The following LSAMP variants were observed in gnomAD, a reference collection of about 807,000 sequenced individuals.
LSAMP encodes the protein limbic system associated membrane protein.
Under a neutral mutation model 38.6 loss-of-function variants are expected in LSAMP, and 7 were observed. The observed-to-expected ratio is 0.18, with a 90% CI of 0.10 to 0.34. LSAMP has a LOEUF of 0.34. Among genes scored for constraint, LSAMP ranks in the 10% least tolerant of loss-of-function variants. The pLI, the probability that LSAMP is intolerant of heterozygous loss-of-function variation, is 1.00. For synonymous variants in LSAMP, 154 were observed against 166.8 expected, an observed-to-expected ratio of 0.92 and a Z score of 0.59; for missense variants, 313 against 420.0, an observed-to-expected ratio of 0.75 and a Z score of 2.23.
At chr3:116,317,074 A>C (rs2047638985) in intron 1 of LSAMP, among the ~76,000 whole-genome samples, 1 of 152,136 alleles carries the variant, frequency 6.6e-6, no homozygotes, top group Admixed American at 6.5e-5. Context: ...AAAATGGACC[A>C]ATCAGCAGGA....
At chr3:116,250,220 T>A (rs2046661733) in intron 1 of LSAMP, among the ~76,000 whole-genome samples, 1 of 152,214 alleles carries the variant, frequency 6.6e-6, no homozygotes, top group Admixed American at 6.5e-5. Context: ...ATACATATAA[T>A]CATTGTATTG....
chr3:116,249,045 T>A (rs1406561220), intron 1 of LSAMP, among the ~76,000 whole-genome samples: 6 of 150,294 alleles, frequency 4.0e-5, no homozygotes, highest in African/African-American at 1.5e-4. Flanking sequence ...GCTACTCGGG[T>A]GGCTGAGACA....
chr3:115,859,019 G>T (rs763432791), intron 3 of LSAMP, among the ~76,000 whole-genome samples: 5 of 152,196 alleles, frequency 3.3e-5, no homozygotes, highest in Admixed American at 6.5e-5. Context: ...GCTAAGGAAA[G>T]GAAGAGAGAA....
chr3:116,159,307 A>G (rs57425502), intron 1 of LSAMP, among the ~76,000 whole-genome samples: 37,378 of 152,138 alleles, frequency 0.25, 4,646 homozygotes, highest in Admixed American at 0.28. Context: ...CTATCAACAG[A>G]GTAAACAGAC....
At chr3:115,995,441 T>G (rs144282339) in intron 3 of LSAMP, among the ~76,000 whole-genome samples, 76 of 152,210 alleles carry the variant, frequency 5.0e-4, no homozygotes, top group African/African-American at 1.7e-3. Context: ...CAGGGAATAT[T>G]TGTTGATGAT....
chr3:116,044,190 T>C (rs1941241188), intron 2 of LSAMP, among the ~76,000 whole-genome samples: 1 of 152,216 alleles, frequency 6.6e-6, no homozygotes, highest in African/African-American at 2.4e-5. Flanking sequence ...AGAGAAAGGC[T>C]GCTTTGCTTT....
intron 3 of LSAMP, among the ~76,000 whole-genome samples, chr3:115,965,871 G>T (rs948975342): frequency 1.3e-5 from 2 of 152,104 alleles, no homozygotes; most frequent in Non-Finnish European, 2.9e-5. Flanking sequence ...AGTGTGGAAA[G>T]TATGTAGAGA....
At chr3:115,933,502 T>C (rs1937614698) in intron 3 of LSAMP, among the ~76,000 whole-genome samples, 1 of 152,166 alleles carries the variant, frequency 6.6e-6, no homozygotes, top group Non-Finnish European at 1.5e-5. Flanking sequence ...AAACTAGTTG[T>C]CACAAAATTA....
At chr3:115,961,920 C>T (rs1344534154) in intron 3 of LSAMP, among the ~76,000 whole-genome samples, 1 of 152,148 alleles carries the variant, frequency 6.6e-6, no homozygotes, top group Non-Finnish European at 1.5e-5. Context: ...AGAAAATATG[C>T]TTTGTGACAG....
At chr3:116,336,494 A>G (rs557329178) in intron 1 of LSAMP, among the ~76,000 whole-genome samples, 2 of 152,174 alleles carry the variant, frequency 1.3e-5, no homozygotes, top group Non-Finnish European at 2.9e-5. Flanking sequence ...TAAGCACGTG[A>G]AAAGATGCTC....
At chr3:116,072,859 T>C (rs1707645729) in intron 2 of LSAMP, among the ~76,000 whole-genome samples, 1 of 151,852 alleles carries the variant, frequency 6.6e-6, no homozygotes, top group African/African-American at 2.4e-5. Flanking sequence ...GTAGATTGTC[T>C]GTTTACTCTG....
At chr3:116,276,517 C>A (rs529687376) in intron 1 of LSAMP, among the ~76,000 whole-genome samples, 32 of 145,714 alleles carry the variant, frequency 2.2e-4, no homozygotes, top group African/African-American at 7.9e-4. Context: ...ACTTTGGGGA[C>A]TTGCAGGGAA....
chr3:116,204,683 C>G (rs375479491), intron 1 of LSAMP, among the ~76,000 whole-genome samples: 14 of 151,904 alleles, frequency 9.2e-5, no homozygotes, highest in East Asian at 1.9e-4. Flanking sequence ...GCTTGTTTTT[C>G]TCAGGTTTGT....
Position 116,116,532 on chromosome 3 carries a change from TAA to T in LSAMP, c.156-29978_156-29977del, listed in dbSNP as rs386397689. Among the ~76,000 whole-genome samples the T allele has an allele frequency of 7.5e-3, 834 of 110,752 alleles. 7 individuals are homozygous for T. The highest frequency in any genetic ancestry group is 0.025 in the African/African-American group (761 of 30,718). 72.7% of individuals were successfully genotyped at this position (110,752 alleles called of 152,430 possible). ...TAACACGGTGAAACCCCATCTCTAC[TAA>T]AAAAAAAAAAAAAAAAATACAAAAT... On this transcript the variant is annotated intron_variant, in intron 1 of 6. Coordinates refer to ENST00000490035, the MANE Select transcript of LSAMP (RefSeq NM_002338.5).
intron 1 of LSAMP, among the ~76,000 whole-genome samples, chr3:116,431,148 T>C (rs1321949753): frequency 2.6e-5 from 4 of 151,994 alleles, no homozygotes; most frequent in Admixed American, 6.6e-5. Context: ...GATCCTGGCC[T>C]GAGAGAGAAT....
chr3:116,433,873 T>C (rs1034568832), intron 1 of LSAMP, among the ~76,000 whole-genome samples: 1 of 152,156 alleles, frequency 6.6e-6, no homozygotes. Flanking sequence ...GAGTGATTCC[T>C]TGTTCTGTCA....
intron 6 of LSAMP, chr3:115,816,633 G>A (rs779072995): frequency 4.9e-5 from 63 of 1,286,242 alleles, no homozygotes; most frequent in South Asian, 2.4e-4. Context: ...TGAAGTGCAC[G>A]GTGGTACCAA....
chr3:116,008,173 TC>T (rs1940214816), intron 3 of LSAMP, among the ~76,000 whole-genome samples: 2 of 152,196 alleles, frequency 1.3e-5, no homozygotes, highest in African/African-American at 4.8e-5. Context: ...ATAAATCACT[TC>T]CGTATGGATT....
chr3:116,433,441 TC>T (rs1485840614), intron 1 of LSAMP, among the ~76,000 whole-genome samples: 1 of 152,088 alleles, frequency 6.6e-6, no homozygotes, highest in Admixed American at 6.5e-5. Context: ...TTCCCTCCTA[TC>T]TCACATAAAT....
Sources: allele counts gnomAD v4.1 joint callset (sites outside exome capture counted in the v4.1 genomes callset), GRCh38; gene constraint gnomAD v4.1.1; transcripts MANE v1.5; gene names NCBI Gene and HGNC (gene_info 2026-07-23, HGNC 2026-07-21).